The following RYR2 variants were observed in gnomAD, a reference collection of about 807,000 sequenced individuals.
RYR2 encodes the protein ryanodine receptor 2, also known as cardiac muscle ryanodine receptor-calcium release channel.
Under a neutral mutation model 601.1 loss-of-function variants are expected in RYR2, and 227 were observed. The ratio of observed to expected loss-of-function variants is 0.38; its 90% confidence interval spans 0.34 to 0.42. The LOEUF is 0.42. Ranked by LOEUF, RYR2 falls within the 10% of genes least tolerant of loss-of-function variation. The pLI is 1.00. For synonymous variants in RYR2, 2,223 were observed against 2,175.1 expected (o/e 1.02, Z -0.61); for missense variants, 4,646 against 6,156.5 (o/e 0.75, Z 8.21).
chr1:237,527,054 A>T (rs1322273039), intron 24 of RYR2, among the ~76,000 whole-genome samples: 3 of 152,112 alleles, frequency 2.0e-5, no homozygotes, highest in African/African-American at 7.2e-5. Flanking sequence ...TTTATTGAAG[A>T]GGTTGTCATT....
intron 24 of RYR2, among the ~76,000 whole-genome samples, chr1:237,516,119 A>G (rs1392005735): frequency 6.8e-6 from 1 of 147,942 alleles, no homozygotes; most frequent in Non-Finnish European, 1.5e-5. Flanking sequence ...TTACTTATTT[A>G]TTTGTTTGTT....
chr1:237,417,781 A>G (rs1421381546), intron 11 of RYR2, among the ~76,000 whole-genome samples: 1 of 152,170 alleles, frequency 6.6e-6, no homozygotes, highest in Admixed American at 6.5e-5. Context: ...AATGAATACA[A>G]TATGATGATA....
intron 90 of RYR2, 40 bp from the exon 91 acceptor site, chr1:237,785,929 G>C: frequency 7.2e-7 from 1 of 1,381,460 alleles, no homozygotes; most frequent in Non-Finnish European, 1.0e-6. Context: ...CAAAGGTGAT[G>C]GGTAATCCTG....
chr1:237,174,878 TA>T (rs1349152397), intron 1 of RYR2, among the ~76,000 whole-genome samples: 1 of 152,190 alleles, frequency 6.6e-6, no homozygotes, highest in East Asian at 1.9e-4. Flanking sequence ...TACTCCACAT[TA>T]ACAAAAAAGT....
At chr1:237,191,418 GTT>G (rs113524775) in intron 1 of RYR2, among the ~76,000 whole-genome samples, 7 of 145,504 alleles carry the variant, frequency 4.8e-5, no homozygotes, top group African/African-American at 1.8e-4. Flanking sequence ...AATTTTATGG[GTT>G]TTTTTTTTTT....
intron 19 of RYR2, among the ~76,000 whole-genome samples, chr1:237,496,215 G>A (rs1664053178): frequency 1.3e-5 from 2 of 152,050 alleles, no homozygotes; most frequent in South Asian, 4.1e-4. Flanking sequence ...ACCATCCTGG[G>A]CAACATAGCA....
chr1:237,550,673 G>T lies in RYR2; in HGVS notation c.3196G>T (p.Ala1066Ser). ...GCTGGGGTACGGCTACAACTTGGAA[G>T]CACCAGATCAAGATCATGGTATTTT... ...TLLGYGYNLE[A>S]PDQDHAARAE... is the part of the protein sequence containing the mutation. Residue 1066 changes from alanine to serine, a missense_variant, in exon 27 of 105, where the codon GCA (alanine) becomes TCA (serine). Physicochemically the swap from Ala to Ser is moderately conservative, Grantham distance 99. Coordinates refer to ENST00000366574, the MANE Select transcript of RYR2 (RefSeq NM_001035.3). 2 of 1,558,766 alleles carry T rather than the reference G, an allele frequency of 1.3e-6. No homozygotes were observed. Among genetic ancestry groups the T allele is most frequent in the South Asian group, 2.4e-5 (2 of 84,394 alleles).
intron 1 of RYR2, among the ~76,000 whole-genome samples, chr1:237,118,185 A>G (rs1169691214): frequency 6.6e-6 from 1 of 152,200 alleles, no homozygotes; most frequent in Non-Finnish European, 1.5e-5. Flanking sequence ...ATTGAAATTG[A>G]TTGAAATTTA....
Position 237,610,818 on chromosome 1 carries a change from G to C in RYR2, c.4740G>C (p.Pro1580=). Residue 1580 remains proline (P), a synonymous_variant, in exon 36 of 105, where the codon CCG becomes CCC. Coordinates refer to ENST00000366574, the MANE Select transcript of RYR2 (RefSeq NM_001035.3). The surrounding 1 kb of genome is among the most constrained non-coding windows in gnomAD (Gnocchi z 4.9). ...AGAGTGAGCACAAGAACCCCGTGCCGCAGTGCCCCCCGCGCCTCCACGTGC... is the reference window on the plus strand; with the variant it reads ...AGAGTGAGCACAAGAACCCCGTGCCCCAGTGCCCCCCGCGCCTCCACGTGC... The part of the protein sequence containing the change: ...LFKSEHKNPV[P]QCPPRLHVQF... 1 of 1,611,834 alleles carries C rather than the reference G, an allele frequency of 6.2e-7. No individual in the cohort carries two copies. The highest frequency in any genetic ancestry group is 8.5e-7 in the Non-Finnish European group (1 of 1,179,204).
At chr1:237,303,103 A>G (rs1693523303) in intron 2 of RYR2, among the ~76,000 whole-genome samples, 2 of 152,116 alleles carry the variant, frequency 1.3e-5, no homozygotes, top group Non-Finnish European at 2.9e-5. Context: ...CCCTTTGCCC[A>G]TTCTTCGAGT....
chr1:237,327,533 G>A (rs112864093), intron 2 of RYR2, among the ~76,000 whole-genome samples: 2,126 of 152,204 alleles, frequency 0.014, 16 homozygotes, highest in Middle Eastern at 0.044. Flanking sequence ...AAATGTTACC[G>A]GAAAGTGTCT....
chr1:237,659,199 C>A (rs1249042148), intron 54 of RYR2, among the ~76,000 whole-genome samples: 1 of 152,162 alleles, frequency 6.6e-6, no homozygotes, highest in African/African-American at 2.4e-5. Context: ...GTCTTTCGGT[C>A]CCTCTAAGAA....
At chr1:237,778,057 C>T (rs551713083) in intron 87 of RYR2, among the ~76,000 whole-genome samples, 76 of 152,252 alleles carry the variant, frequency 5.0e-4, no homozygotes, top group African/African-American at 1.5e-3. Flanking sequence ...GCCATCTCAG[C>T]CTAATGACTC....
At position 237,655,602 on chromosome 1, in the gene RYR2, T is replaced by G. The variant is rs1300025719; in HGVS notation, c.7966-219T>G. On this transcript the variant is annotated intron_variant, in intron 52 of 104. Transcript: ENST00000366574. ...TGTTGGAGAGTCAAAGATTTTATTCTCCTTAAGCTGAAACTTCAGTAAATC... is the reference window on the plus strand; with the variant it reads ...TGTTGGAGAGTCAAAGATTTTATTCGCCTTAAGCTGAAACTTCAGTAAATC... Among the ~76,000 whole-genome samples the G allele has an allele frequency of 2.0e-5, 3 of 152,334 alleles. No homozygotes were observed. The East Asian group carries it at 5.8e-4, about 29-fold the overall frequency.
At chr1:237,133,426 G>A (rs1242028694) in intron 1 of RYR2, among the ~76,000 whole-genome samples, 1 of 152,158 alleles carries the variant, frequency 6.6e-6, no homozygotes, top group Admixed American at 6.5e-5. Context: ...TTAGTCTCTG[G>A]TGAAGACCTA....
At chr1:237,412,926 C>T (rs1704590272) in intron 10 of RYR2, among the ~76,000 whole-genome samples, 1 of 152,090 alleles carries the variant, frequency 6.6e-6, no homozygotes, top group South Asian at 2.1e-4. Context: ...TCCTCCTAGA[C>T]TCTGATTTGA....
intron 12 of RYR2, among the ~76,000 whole-genome samples, chr1:237,439,844 T>C (rs1489970406): frequency 6.7e-6 from 1 of 148,186 alleles, no homozygotes; most frequent in African/African-American, 2.5e-5. Flanking sequence ...AAAAAAAAAA[T>C]GTTAGAGGCT....
intron 84 of RYR2, among the ~76,000 whole-genome samples, chr1:237,768,541 C>T (rs1694023363): frequency 1.3e-5 from 2 of 152,136 alleles, no homozygotes; most frequent in Admixed American, 6.5e-5. Flanking sequence ...ACCTTGAGCC[C>T]TCAAGCAGCA....
intron 39 of RYR2, among the ~76,000 whole-genome samples, chr1:237,624,220 C>T (rs186944415): frequency 1.3e-5 from 2 of 152,210 alleles, no homozygotes; most frequent in African/African-American, 2.4e-5. Flanking sequence ...TACAAAGTTT[C>T]GGTTATACAA....
Sources: allele counts gnomAD v4.1 joint callset (sites outside exome capture counted in the v4.1 genomes callset), GRCh38; gene constraint gnomAD v4.1.1; non-coding constraint Gnocchi (gnomAD v3.1); transcripts MANE v1.5; gene names NCBI Gene and HGNC (gene_info 2026-07-23, HGNC 2026-07-21).